Variants in TNRC18 observed in about 807,000 individuals in gnomAD.
The protein encoded by TNRC18 is trinucleotide repeat-containing gene 18 protein.
Under a neutral mutation model 226.7 loss-of-function variants are expected in TNRC18, and 69 were observed. The ratio of observed to expected loss-of-function variants is 0.30; its 90% CI spans 0.25 to 0.37. The LOEUF is 0.37. Ranked by LOEUF, TNRC18 falls within the 10% of genes least tolerant of loss-of-function variation. The pLI is 1.00. For synonymous variants in TNRC18, 2,449 were observed against 1,927.6 expected (o/e 1.27, Z -7.09); for missense variants, 4,754 against 4,256.6 (o/e 1.12, Z -3.25).
intron 15 of TNRC18, among the ~76,000 whole-genome samples, 188 bp from the exon 16 acceptor site, chr7:5,357,464 T>G (rs1273790908): frequency 6.6e-6 from 1 of 151,970 alleles, no homozygotes; most frequent in Non-Finnish European, 1.5e-5. Flanking sequence ...CAGCCTGGGG[T>G]TCAGTGGCGC....
At position 5,394,434 on chromosome 7, in the gene TNRC18, C is replaced by G. The variant is rs1454604115; in HGVS notation, c.343+6G>C. ...CCCTCAGCCCCGACCCCGGCATGTT[C>G]CTTACCTTCATGGGCGTGGGCGGCC... On this transcript the variant is annotated splice_donor_region_variant and intron_variant, in intron 3 of 29. Transcript: ENST00000430969. The surrounding 1 kb of genome is among the most constrained non-coding windows in gnomAD (Gnocchi z 4.5). 6.5e-7 allele frequency: 1 copy of G among 1,534,506 alleles called. No individual in the cohort carries two copies. Among genetic ancestry groups the G allele is most frequent in the Non-Finnish European group, 8.8e-7 (1 of 1,141,872 alleles).
chr7:5,367,441 T>G (rs189565494), intron 11 of TNRC18, among the ~76,000 whole-genome samples: 108 of 151,900 alleles, frequency 7.1e-4, no homozygotes, highest in Middle Eastern at 6.9e-3. Flanking sequence ...TTTGTTTTTT[T>G]TTTGAGATGG....
In TNRC18 at chr7:5,312,453, G is replaced by C. The variant is rs777519879; in HGVS notation, c.8388+50C>G. 25 of 1,591,800 alleles carry C rather than the reference G, an allele frequency of 1.6e-5. No homozygotes were observed. Among genetic ancestry groups the C allele is most frequent in the Non-Finnish European group, 2.0e-5 (23 of 1,172,610 alleles). ...CATGAAGCCGTGGGCCCAGCAGAGA[G>C]ACACAAGGCCCCCGGCCCCTCGGCC... On this transcript the variant is annotated intron_variant, in intron 27 of 29. Transcript: ENST00000430969. The surrounding 1 kb of genome is among the most constrained non-coding windows in gnomAD (Gnocchi z 6.3).
intron 18 of TNRC18, among the ~76,000 whole-genome samples, chr7:5,340,114 A>C (rs1325678880): frequency 6.6e-6 from 1 of 152,234 alleles, no homozygotes; most frequent in Non-Finnish European, 1.5e-5. Flanking sequence ...GGAAGGCTTA[A>C]GCCAGTCAAA....
At chr7:5,336,345 C>T (rs1790119009) in intron 18 of TNRC18, among the ~76,000 whole-genome samples, 1 of 152,102 alleles carries the variant, frequency 6.6e-6, no homozygotes, top group Non-Finnish European at 1.5e-5. Context: ...ATTCTGAAAT[C>T]CTCAAAGAGG....
At chr7:5,417,373 G>T (rs1011721833) in intron 2 of TNRC18, among the ~76,000 whole-genome samples, 9 of 151,934 alleles carry the variant, frequency 5.9e-5, no homozygotes, top group Non-Finnish European at 1.2e-4. Flanking sequence ...GGGAGGCTGA[G>T]GTAGGAGGAT....
rs779844370 is a variant in TNRC18, at chr7:5,333,058, G to C, written c.5720-9C>G. 7.0e-6 allele frequency: 11 copies of C among 1,567,090 alleles called. No individual in the cohort carries two copies. The highest frequency in any genetic ancestry group is 9.4e-6 in the Non-Finnish European group (11 of 1,164,532). On this transcript the variant is annotated splice_polypyrimidine_tract_variant and intron_variant, in intron 18 of 29. Coordinates refer to ENST00000430969, the MANE Select transcript of TNRC18 (RefSeq NM_001080495.3). ...GTACTCGAACTCTGTGCCTGAACGC[G>C]GGAGGAGGGCGTGCTGGTCACAGCC...
At chr7:5,371,419 C>G in intron 10 of TNRC18, 55 bp from the exon 11 acceptor site, 2 of 1,448,854 alleles carry the variant, frequency 1.4e-6, no homozygotes, top group Non-Finnish European at 1.8e-6. Context: ...ATCCCATGTC[C>G]CCACTGACAC....
intron 5 of TNRC18, 124 bp downstream of exon 5, chr7:5,387,548 T>C: frequency 7.2e-7 from 1 of 1,381,018 alleles, no homozygotes; most frequent in Non-Finnish European, 9.9e-7. Context: ...TTCAAGACCA[T>C]TTTAAAAAAT....
intron 14 of TNRC18, among the ~76,000 whole-genome samples, chr7:5,360,258 TCTCA>T (rs1792900107): frequency 6.6e-6 from 1 of 151,838 alleles, no homozygotes; most frequent in Non-Finnish European, 1.5e-5. Flanking sequence ...TTAGATGGAG[TCTCA>T]CTCTGTTGCC....
intron 2 of TNRC18, chr7:5,420,347 C>A (rs1328055972): frequency 6.6e-6 from 3 of 455,794 alleles, no homozygotes; most frequent in Non-Finnish European, 1.3e-5. Context: ...TTCGGGACCG[C>A]GATGGTCCGG....
At chr7:5,391,835 TAAAA>T (rs112656100) in intron 3 of TNRC18, among the ~76,000 whole-genome samples, 23,809 of 125,316 alleles carry the variant, frequency 0.19, 3,436 homozygotes, top group African/African-American at 0.4. Context: ...CATCTCTATT[TAAAA>T]AAAAAAAAAA....
At chr7:5,351,483 G>C (rs1451464220) in intron 17 of TNRC18, among the ~76,000 whole-genome samples, 2 of 151,528 alleles carry the variant, frequency 1.3e-5, no homozygotes, top group African/African-American at 2.4e-5. Context: ...GTGAGTGCGG[G>C]GGTGGGGGGA....
At chr7:5,310,927 CGT>C (rs1787115387) in intron 27 of TNRC18, among the ~76,000 whole-genome samples, 1 of 149,384 alleles carries the variant, frequency 6.7e-6, no homozygotes, top group Non-Finnish European at 1.5e-5. Context: ...TGTGTGTGCA[CGT>C]GTTCGTGTGT....
intron 24 of TNRC18, among the ~76,000 whole-genome samples, chr7:5,319,568 G>A (rs944558194): frequency 2.0e-5 from 3 of 152,078 alleles, no homozygotes; most frequent in African/African-American, 7.2e-5. Flanking sequence ...GAGTGCAGTG[G>A]TGCAATCCTG....
chr7:5,351,494 A>T (rs1200955272), intron 17 of TNRC18, among the ~76,000 whole-genome samples: 4 of 83,266 alleles, frequency 4.8e-5, no homozygotes, highest in Admixed American at 1.2e-4. Flanking sequence ...GGTGGGGGGA[A>T]CTCGGGGGAG....
chr7:5,315,828 G>T, intron 25 of TNRC18, 128 bp downstream of exon 25: 2 of 653,284 alleles, frequency 3.1e-6, no homozygotes, highest in South Asian at 4.7e-5. Flanking sequence ...CCCACCCATG[G>T]CTTCTGCTGC....
chr7:5,321,639 C>CTTTATTTATTTA (rs10551562), intron 21 of TNRC18, among the ~76,000 whole-genome samples: 72 of 143,508 alleles, frequency 5.0e-4, no homozygotes, highest in African/African-American at 1.5e-3. Flanking sequence ...ACTTCTAGGA[C>CTTTATTTATTTA]TTTATTTATT....
rs772581041 is a variant in TNRC18, at chr7:5,371,243, C to T, written c.3351G>A (p.Pro1117=). The T allele has an allele frequency of 7.5e-6, 12 of 1,603,668 alleles. No homozygotes were observed. Among genetic ancestry groups the T allele is most frequent in the African/African-American group, 5.4e-5 (4 of 74,736 alleles). The change falls in exon 11 of 30, where the codon CCG becomes CCA. Residue 1117 remains proline, a synonymous_variant. Transcript: ENST00000430969. ...ADGLAPDVPL[P]ADGPERLALS... Reference sequence around the variant, plus strand: ...GTGCCAGGCGCTCGGGCCCATCAGCCGGGAGCGGCACATCAGGGGCCAAGC... The same window carrying T: ...GTGCCAGGCGCTCGGGCCCATCAGCTGGGAGCGGCACATCAGGGGCCAAGC...
Sources: allele counts gnomAD v4.1 joint callset (sites outside exome capture counted in the v4.1 genomes callset), GRCh38; gene constraint gnomAD v4.1.1; non-coding constraint Gnocchi (gnomAD v3.1); transcripts MANE v1.5; gene names NCBI Gene and HGNC (gene_info 2026-07-23, HGNC 2026-07-21).